UNC93A: variants seen among roughly 807,000 people sequenced by gnomAD.
UNC93A encodes N-acetylglucosamine transporter UNC93A.
UNC93A carries 43 observed loss-of-function variants against 47.5 expected under a neutral mutation model. The observed-to-expected ratio is 0.91, with a 90% CI of 0.71 to 1.17. UNC93A has a LOEUF of 1.17. Among genes scored for constraint, UNC93A ranks in the 50% most tolerant of loss-of-function variants. The pLI, the probability that UNC93A is intolerant of heterozygous loss-of-function variation, is 0.00. For synonymous variants in UNC93A, 280 were observed against 258.0 expected (o/e 1.09, Z -0.82); for missense variants, 605 against 577.6 (o/e 1.05, Z -0.49).
chr6:167,285,201 C>A (rs1342788782), intron 1 of UNC93A, among the ~76,000 whole-genome samples: 1 of 149,520 alleles, frequency 6.7e-6, no homozygotes, highest in African/African-American at 2.4e-5. Flanking sequence ...AGTCACACTC[C>A]CTGCCACACA....
At chr6:167,306,313 G>A (rs1422278843) in intron 6 of UNC93A, among the ~76,000 whole-genome samples, 2 of 152,190 alleles carry the variant, frequency 1.3e-5, no homozygotes, top group African/African-American at 2.4e-5. Flanking sequence ...GTGGGCACTC[G>A]GTGTGGTGAC....
intron 4 of UNC93A, among the ~76,000 whole-genome samples, chr6:167,298,676 G>T (rs1214010074): frequency 6.6e-6 from 1 of 152,078 alleles, no homozygotes; most frequent in Non-Finnish European, 1.5e-5. Flanking sequence ...TCATGACGAG[G>T]CTCATTCTTA....
chr6:167,285,474 C>T (rs1019191013), intron 1 of UNC93A, among the ~76,000 whole-genome samples: 7 of 151,682 alleles, frequency 4.6e-5, no homozygotes, highest in African/African-American at 1.2e-4. Context: ...GGTGATGAGC[C>T]GGGACTCACA....
chr6:167,299,133 C>A (rs2346119), intron 4 of UNC93A, among the ~76,000 whole-genome samples: 45,081 of 117,960 alleles, frequency 0.38, 8,092 homozygotes, highest in East Asian at 0.62. Context: ...AAAAAAAATA[C>A]ACACACACAC....
chr6:167,313,706 G>T (rs888897693), intron 7 of UNC93A, among the ~76,000 whole-genome samples: 1 of 152,054 alleles, frequency 6.6e-6, no homozygotes, highest in African/African-American at 2.4e-5. Flanking sequence ...ACCTGCCCAG[G>T]GTGTAGCCGG....
At chr6:167,270,813 C>G (rs113672902), upstream of UNC93A, among the ~76,000 whole-genome samples, 9 of 152,188 alleles carry the variant, frequency 5.9e-5, no homozygotes, top group Admixed American at 5.9e-4. Context: ...AAGGCATTGG[C>G]GCCCTCCCGC....
Position 167,296,041 on chromosome 6 carries a change from G to C in UNC93A, c.279G>C (p.Leu93Phe). ...TGCATTTTACCCACAGGTACACTTT[G>C]ATCCCCACCTCCATACTGCTGGGAC... ...VGNFFASWYTLIPTSILLGLG... is the reference protein window; with the variant it reads ...VGNFFASWYTFIPTSILLGLG... Residue 93 changes from leucine to phenylalanine, a missense_variant, in exon 3 of 8, where the codon TTG becomes TTC. Physicochemically the swap from Leu to Phe is conservative, Grantham distance 22 (BLOSUM62 0). Coordinates refer to ENST00000230256, the MANE Select transcript of UNC93A (RefSeq NM_018974.4). The C allele has an allele frequency of 6.2e-7, 1 of 1,614,094 alleles. No homozygotes were observed. Among genetic ancestry groups the C allele is most frequent in the Non-Finnish European group, 8.5e-7 (1 of 1,179,996 alleles).
At chr6:167,272,760 T>A (rs1783469799) in intron 1 of UNC93A, among the ~76,000 whole-genome samples, 1 of 152,116 alleles carries the variant, frequency 6.6e-6, no homozygotes, top group Non-Finnish European at 1.5e-5. Context: ...AGAAAGAAAT[T>A]AAGATAAGTT....
upstream of UNC93A, among the ~76,000 whole-genome samples, chr6:167,286,871 G>C (rs544515501): frequency 1.3e-5 from 2 of 151,194 alleles, no homozygotes; most frequent in South Asian, 2.1e-4. Flanking sequence ...CCAGCTACTC[G>C]GGAGGCTGAG....
chr6:167,304,217 G>C, intron 5 of UNC93A, 84 bp downstream of exon 5: 1 of 1,485,800 alleles, frequency 6.7e-7, no homozygotes, highest in Admixed American at 1.7e-5. Flanking sequence ...GGACCGCAGA[G>C]TGTCTCAGGC....
Position 167,294,692 on chromosome 6 carries a change from C to T in UNC93A, c.263C>T (p.Ala88Val), listed in dbSNP as rs773626015. The T allele has an allele frequency of 5.0e-6, 8 of 1,591,118 alleles. No homozygotes were observed. Among genetic ancestry groups the T allele is most frequent in the Admixed American group, 1.7e-5 (1 of 59,170 alleles). ...YVAFSVGNFF[A>V]SWYTLIPTSI... The stretch of plus-strand genomic sequence containing the variant: ...GCCTTCTCCGTGGGCAACTTCTTCG[C>T]CAGCTGGTACGCAGCCACCACCCCC... Residue 88 changes from alanine (A) to valine (V), a missense_variant, in exon 2 of 8, where the codon GCC becomes GTC. Ala to Val is a moderately conservative substitution (Grantham distance 64, BLOSUM62 0). Transcript: ENST00000230256.
At chr6:167,290,590 T>A (rs979201217), upstream of UNC93A, among the ~76,000 whole-genome samples, 12 of 152,240 alleles carry the variant, frequency 7.9e-5, no homozygotes, top group Non-Finnish European at 1.8e-4. Flanking sequence ...CAGTTGTCTC[T>A]AGCCACATGT....
Position 167,308,058 on chromosome 6 carries a change from C to T in UNC93A, c.1108+148C>T, listed in dbSNP as rs1778452917. ...GAGGGCCAAGAGGGCTTTGATGTCG[C>T]CTCTGAGTCTGATGTATTTTCTCTG... On this transcript the variant is annotated intron_variant, in intron 7 of 7. Transcript: ENST00000230256. 4.4e-6 allele frequency: 5 copies of T among 1,134,772 alleles called. No homozygotes were observed. In the African/African-American group the frequency reaches 6.3e-5, roughly 14 times the overall value. 70.3% of individuals were successfully genotyped at this position (1,134,772 alleles called of 1,614,324 possible).
Position 167,294,503 on chromosome 6 carries a change from CTT to C in UNC93A, c.88-12_88-11del. ...CCATCCTGTGCTCTGACAGGGCTGG[CTT>C]TGTTCCCACAGAGCAGCCTGTACAG... On this transcript the variant is annotated splice_polypyrimidine_tract_variant and intron_variant, in intron 1 of 7. Coordinates refer to ENST00000230256, the MANE Select transcript of UNC93A (RefSeq NM_018974.4). 6.2e-7 allele frequency: 1 copy of C among 1,613,588 alleles called. No homozygotes were observed. Among genetic ancestry groups the C allele is most frequent in the Middle Eastern group, 1.7e-4 (1 of 6,060 alleles).
In UNC93A at chr6:167,278,161, C is replaced by CACATT. The variant is rs541633746; in HGVS notation, c.-52+6718_-52+6722dup. Among the ~76,000 whole-genome samples the CACATT allele has an allele frequency of 1.5e-3, 227 of 152,342 alleles. 1 individual carries two copies. The highest frequency in any genetic ancestry group is 5.1e-3 in the African/African-American group (213 of 41,556). The stretch of plus-strand genomic sequence containing the variant: ...AGGGCTACCACAAAGGAAAAAGGGA[C>CACATT]ACATTACATTACATTACATGAACCT... On this transcript the variant is annotated intron_variant, in intron 1 of 3. Coordinates refer to the UNC93A transcript ENST00000503433.
intron 1 of UNC93A, among the ~76,000 whole-genome samples, chr6:167,277,923 G>T (rs1783571150): frequency 6.6e-6 from 1 of 152,098 alleles, no homozygotes; most frequent in Non-Finnish European, 1.5e-5. Flanking sequence ...CCCAGGCCCT[G>T]GCAGAGCCAC....
At chr6:167,290,093 G>A (rs575558105), upstream of UNC93A, among the ~76,000 whole-genome samples, 15 of 152,240 alleles carry the variant, frequency 9.9e-5, no homozygotes, top group African/African-American at 2.9e-4. Flanking sequence ...TTTTAAAGAG[G>A]AAACAGGTTC....
chr6:167,283,285 T>A (rs1783663410), intron 1 of UNC93A, among the ~76,000 whole-genome samples: 1 of 152,216 alleles, frequency 6.6e-6, no homozygotes, highest in Non-Finnish European at 1.5e-5. Flanking sequence ...TAGGTTGGAA[T>A]GTGGTGTCTT....
At chr6:167,283,565 G>T (rs1428098374) in intron 1 of UNC93A, among the ~76,000 whole-genome samples, 1 of 151,986 alleles carries the variant, frequency 6.6e-6, no homozygotes, top group Non-Finnish European at 1.5e-5. Context: ...GAAAGAGGTG[G>T]GTGCAGGTAC....
Sources: gnomAD v4.1 joint callset for allele counts (sites outside exome capture counted in the v4.1 genomes callset) on GRCh38, gnomAD v4.1.1 for gene constraint, MANE v1.5 for transcripts, NCBI Gene and HGNC (gene_info 2026-07-23, HGNC 2026-07-21) for gene names.